The following PCNX1 variants were observed in gnomAD, a reference collection of about 807,000 sequenced individuals.
PCNX1 encodes pecanex-like protein 1.
In PCNX1, 78 loss-of-function variants were observed where a neutral mutation model predicts 242.2. The ratio of observed to expected loss-of-function variants is 0.32; its 90% CI spans 0.27 to 0.39. The LOEUF (loss-of-function observed/expected upper bound fraction) is 0.39, where lower values mean the gene tolerates loss of function less well. PCNX1 is among the 10% of genes least tolerant of loss of function. The probability of loss-of-function intolerance (pLI) is 1.00; values close to 1 mark genes in which losing one functional copy is unlikely to be tolerated. For synonymous variants in PCNX1, 1,024 were observed against 1,032.9 expected (o/e 0.99, Z 0.17); for missense variants, 2,581 against 2,856.5 (o/e 0.90, Z 2.20).
chr14:71,047,940 A>G lies in PCNX1; in HGVS notation c.4294A>G (p.Thr1432Ala). 6.2e-7 allele frequency: 1 copy of G among 1,613,172 alleles called. No homozygotes were observed. The highest frequency in any genetic ancestry group is 8.5e-7 in the Non-Finnish European group (1 of 1,179,410). Reference protein sequence around the residue: ...FKFDYEAFSETMLLDLFFMSI... With the variant: ...FKFDYEAFSEAMLLDLFFMSI... ...ATTTGACTATGAAGCTTTTTCAGAG[A>G]CCATGCTGTTGGATCTCTTCTTTAT... Residue 1432 changes from threonine (T) to alanine (A), a missense_variant, in exon 22 of 36, where the codon ACC becomes GCC. Thr to Ala is a moderately conservative substitution (Grantham distance 58, BLOSUM62 0). This residue lies in a region of PCNX1 where 432 missense variants were observed against 443.1 expected (regional missense o/e 0.97). Transcript: ENST00000304743.
At chr14:71,025,776 G>C (rs547692421) in intron 13 of PCNX1, among the ~76,000 whole-genome samples, 1 of 152,118 alleles carries the variant, frequency 6.6e-6, no homozygotes, top group Non-Finnish European at 1.5e-5. Context: ...GGCTGAGGCA[G>C]GAGGATCACT....
At chr14:70,937,413 C>T (rs1378624586) in intron 1 of PCNX1, among the ~76,000 whole-genome samples, 2 of 152,228 alleles carry the variant, frequency 1.3e-5, no homozygotes, top group African/African-American at 4.8e-5. Flanking sequence ...TTTCTTGTTT[C>T]TGTCAGATTT....
At chr14:71,002,359 A>G (rs2059531315) in intron 8 of PCNX1, among the ~76,000 whole-genome samples, 1 of 152,180 alleles carries the variant, frequency 6.6e-6, no homozygotes, top group Admixed American at 6.5e-5. Flanking sequence ...TTGTTTCTTC[A>G]TCAATTTTAT....
chr14:71,001,438 A>G (rs2059503801), intron 8 of PCNX1, among the ~76,000 whole-genome samples: 1 of 152,188 alleles, frequency 6.6e-6, no homozygotes, highest in African/African-American at 2.4e-5. Flanking sequence ...AATCTAGATG[A>G]ATTTTATCTA....
chr14:71,074,745 G>T (rs1595443578), intron 27 of PCNX1, among the ~76,000 whole-genome samples: 1 of 152,092 alleles, frequency 6.6e-6, no homozygotes, highest in East Asian at 1.9e-4. Flanking sequence ...CTCTTTAACG[G>T]GAAGGGCATC....
intron 26 of PCNX1, among the ~76,000 whole-genome samples, chr14:71,071,138 A>G (rs893693743): frequency 2.6e-5 from 4 of 152,180 alleles, no homozygotes; most frequent in African/African-American, 9.7e-5. Flanking sequence ...CAGCCTTCAA[A>G]GAATTGTAGA....
chr14:71,010,896 C>T (rs1056230352), intron 9 of PCNX1, among the ~76,000 whole-genome samples: 1 of 152,102 alleles, frequency 6.6e-6, no homozygotes, highest in African/African-American at 2.4e-5. Context: ...TCTTTAAGCT[C>T]CTTTGGTCTA....
chr14:70,975,907 T>A (rs1566644291), intron 5 of PCNX1, among the ~76,000 whole-genome samples: 1 of 152,044 alleles, frequency 6.6e-6, no homozygotes, highest in African/African-American at 2.4e-5. Context: ...CATGAAGTAT[T>A]TTTTAATTGC....
intron 1 of PCNX1, among the ~76,000 whole-genome samples, chr14:70,935,783 G>A (rs1362473022): frequency 6.6e-6 from 1 of 152,094 alleles, no homozygotes; most frequent in Non-Finnish European, 1.5e-5. Flanking sequence ...GTGGTATATA[G>A]CAAAATAGGC....
At position 70,958,898 on chromosome 14, in the gene PCNX1, CTTTTTTTTTTTTT is replaced by C. The variant is rs56362741; in HGVS notation, c.363-3314_363-3302del. On this transcript the variant is annotated intron_variant, in intron 2 of 35. Transcript: ENST00000304743. The stretch of plus-strand genomic sequence containing the variant: ...GGTTCACCTGAAGAATTTGGGGTTG[CTTTTTTTTTTTTT>C]TTTTTTTTTTTTTACATAATCAGGA... Among the ~76,000 whole-genome samples the C allele has an allele frequency of 2.0e-3, 130 of 66,412 alleles. 3 individuals are homozygous for C. In the South Asian group the frequency reaches 0.07, roughly 36 times the overall value. The allele number at this position is 66,412 out of a possible 152,430, so 43.6% of individuals were successfully genotyped here.
chr14:70,912,110 C>G (rs1042847438), intron 1 of PCNX1, among the ~76,000 whole-genome samples: 1 of 152,036 alleles, frequency 6.6e-6, no homozygotes, highest in Non-Finnish European at 1.5e-5. Context: ...TGGCGGGCGC[C>G]TGTAGTCCCA....
At chr14:70,969,312 C>T (rs2058471743) in intron 5 of PCNX1, 1 of 477,186 alleles carries the variant, frequency 2.1e-6, no homozygotes, top group Admixed American at 3.6e-5. Flanking sequence ...TATACATGTT[C>T]TGCCAGATAA....
At chr14:71,075,338 G>A (rs924110682) in intron 27 of PCNX1, among the ~76,000 whole-genome samples, 9 of 151,936 alleles carry the variant, frequency 5.9e-5, no homozygotes, top group African/African-American at 2.2e-4. Context: ...GACCTTATTT[G>A]CTGATTGGGA....
At chr14:70,923,246 A>G (rs934112434) in intron 1 of PCNX1, among the ~76,000 whole-genome samples, 2 of 152,138 alleles carry the variant, frequency 1.3e-5, no homozygotes, top group African/African-American at 4.8e-5. Context: ...TTTATTATAT[A>G]ACCTTAAAAT....
rs571650571 is a variant in PCNX1 at position 70,988,537 on chromosome 14, C to T, written c.2312-30C>T. 2.5e-6 allele frequency: 4 copies of T among 1,606,898 alleles called. No individual in the cohort carries two copies. In the South Asian group the frequency reaches 3.3e-5, roughly 13 times the overall value. On this transcript the variant is annotated intron_variant, in intron 6 of 35. Coordinates refer to ENST00000304743, the MANE Select transcript of PCNX1 (RefSeq NM_014982.3). ...GCTATTTACATCTCTGACCTAGGCT[C>T]TTGTTTGACCTAAGTCTGTCTTGAT...
In PCNX1 at chr14:71,081,183, A is replaced by G. The variant is rs184722807; in HGVS notation, c.5337+4764A>G. Among the ~76,000 whole-genome samples the G allele has an allele frequency of 4.7e-4, 72 of 151,738 alleles. No individual in the cohort carries two copies. The East Asian group carries it at 0.013, about 27-fold the overall frequency. ...TGATGGATTACGTTTATTGATTTGC[A>G]TATGTTGAACCAGCCTTGCATCCCA... On this transcript the variant is annotated intron_variant, in intron 28 of 35. Transcript: ENST00000304743.
rs2141287462 is a variant in PCNX1 at position 71,061,983 on chromosome 14, A to G, written c.4852+4259A>G. On this transcript the variant is annotated intron_variant, in intron 26 of 35. Transcript: ENST00000304743. ...GGGTTTTAGCAGAAGCTTTAGCAGA[A>G]GCTTTTTAAGGAGCTCAACAAGCTC... Among the ~76,000 whole-genome samples, 2 of 152,282 alleles carry G rather than the reference A, an allele frequency of 1.3e-5. 1 individual carries two copies. Among genetic ancestry groups the G allele is most frequent in the South Asian group, 4.1e-4 (2 of 4,830 alleles).
rs565175390 is a variant in PCNX1 at position 71,023,193 on chromosome 14, T to TTA, written c.3151-6_3151-5insAT. ...GAGTGTAATTTGTCTTTCTGTTTCA[T>TTA]TTTTAGAGTGTTCAACCAGATTCTT... On this transcript the variant is annotated splice_region_variant and splice_polypyrimidine_tract_variant and intron_variant, in intron 12 of 35. Coordinates refer to ENST00000304743, the MANE Select transcript of PCNX1 (RefSeq NM_014982.3). The TTA allele has an allele frequency of 1.9e-6, 3 of 1,606,252 alleles. No individual in the cohort carries two copies. Among genetic ancestry groups the TTA allele is most frequent in the Non-Finnish European group, 2.6e-6 (3 of 1,173,436 alleles).
At chr14:71,011,933 G>A (rs2059831865) in intron 10 of PCNX1, 1 of 174,790 alleles carries the variant, frequency 5.7e-6, no homozygotes, top group South Asian at 1.4e-4. Flanking sequence ...GCATAGGAAA[G>A]CAAACATGGG....
Sources: allele counts gnomAD v4.1 joint callset (sites outside exome capture counted in the v4.1 genomes callset), GRCh38; gene constraint gnomAD v4.1.1; regional missense constraint gnomAD v4.1.1; transcripts MANE v1.5; gene names NCBI Gene and HGNC (gene_info 2026-07-23, HGNC 2026-07-21).